Variants in SNRK observed in about 807,000 individuals in gnomAD.
SNRK encodes the protein SNF related kinase.
SNRK carries 3 observed loss-of-function variants against 48.2 expected under a neutral mutation model. That is an observed-to-expected ratio of 0.06 (90% CI 0.03 to 0.16). SNRK has a LOEUF of 0.16. Ranked by LOEUF, SNRK falls within the 10% of genes least tolerant of loss-of-function variation. The probability of loss-of-function intolerance (pLI) is 1.00; values close to 1 mark genes in which losing one functional copy is unlikely to be tolerated. For missense variants in SNRK, 627 were observed against 976.0 expected (o/e 0.64, Z 4.76); for synonymous variants, 376 against 366.1 (o/e 1.03, Z -0.31).
rs1324724076 is a variant in SNRK at position 43,350,582 on chromosome 3, T to G, written c.*2025T>G. 6.6e-6 allele frequency: 1 copy of G among 152,554 alleles called. No individual in the cohort carries two copies. The highest frequency in any genetic ancestry group is 1.5e-5 in the Non-Finnish European group (1 of 68,038). 9.5% of individuals were successfully genotyped at this position (152,554 alleles called of 1,614,324 possible). A position where few individuals can be genotyped will look rare whatever the true frequency, so the allele number is the denominator to read the frequency against. On this transcript the variant is annotated 3_prime_UTR_variant, in exon 7 of 7. Transcript: ENST00000296088. ...CATAGCTGTATTATAGCCTTATTAG[T>G]TGTGTGGTTGACCCTTGGGGTATAC...
In SNRK at chr3:43,347,129, A is replaced by G. The variant is rs935381416; in HGVS notation, c.1080-210A>G. 5 of 472,482 alleles carry G rather than the reference A, an allele frequency of 1.1e-5. No homozygotes were observed. Among genetic ancestry groups the G allele is most frequent in the East Asian group, 3.2e-5 (1 of 31,314 alleles). 29.3% of individuals were successfully genotyped at this position (472,482 alleles called of 1,614,324 possible). On this transcript the variant is annotated intron_variant, in intron 6 of 6. Coordinates refer to ENST00000296088, the MANE Select transcript of SNRK (RefSeq NM_017719.5). This position sits in a 1 kb window ranked among gnomAD's most constrained non-coding sequence, Gnocchi z 5.4. ...CTGTGATGAAGTTTTCACTTGGCCA[A>G]TAAGCCACAAACTGAACCATGTTTC...
chr3:43,328,270 T>C (rs2091110926), intron 3 of SNRK, among the ~76,000 whole-genome samples: 1 of 152,040 alleles, frequency 6.6e-6, no homozygotes, highest in South Asian at 2.1e-4. Flanking sequence ...GAGGCTGTGG[T>C]CTATACCTTA....
At chr3:43,297,595 C>T (rs1395466172) in intron 1 of SNRK, among the ~76,000 whole-genome samples, 1 of 151,866 alleles carries the variant, frequency 6.6e-6, no homozygotes, top group Non-Finnish European at 1.5e-5. Context: ...ATTCCTCCCC[C>T]CCTTTTTTAC....
At chr3:43,297,839 A>G (rs1281272689) in intron 1 of SNRK, among the ~76,000 whole-genome samples, 2 of 152,316 alleles carry the variant, frequency 1.3e-5, no homozygotes, top group East Asian at 3.9e-4. Context: ...ATGCCTAACT[A>G]GAGACATTAT....
intron 1 of SNRK, among the ~76,000 whole-genome samples, chr3:43,296,817 A>G (rs2090859418): frequency 1.3e-5 from 2 of 152,246 alleles, no homozygotes; most frequent in South Asian, 2.1e-4. Flanking sequence ...AGCTGGTTCT[A>G]CAACTGTTTT....
In SNRK at chr3:43,340,427, C is replaced by T. The variant is rs569406710; in HGVS notation, c.872C>T (p.Ser291Leu). The T allele has an allele frequency of 1.4e-5, 23 of 1,614,110 alleles. No homozygotes were observed. The highest frequency in any genetic ancestry group is 9.9e-5 in the South Asian group (9 of 91,086). Residue 291 changes from serine (S) to leucine (L), a missense_variant, in exon 5 of 7, where the codon TCG (serine) becomes TTG (leucine). Ser to Leu is a moderately radical substitution (Grantham distance 145). Around this residue, in one of 4 missense-constraint regions of SNRK, gnomAD observed 147 missense variants for 356.8 expected, o/e 0.41. Coordinates refer to ENST00000296088, the MANE Select transcript of SNRK (RefSeq NM_017719.5). ...NIPLVSYKNL[S>L]EEEHNSIIQR... ...CCCCTTGTGTCATACAAAAATCTCT[C>T]GGAAGAGGAGCACAACAGCATCATT...
chr3:43,329,543 C>T (rs114887388), intron 3 of SNRK, among the ~76,000 whole-genome samples: 2,604 of 152,198 alleles, frequency 0.017, 43 homozygotes, highest in Non-Finnish European at 0.025. Flanking sequence ...ACTTAGTTAC[C>T]CTGCTGTTCT....
intron 3 of SNRK, among the ~76,000 whole-genome samples, chr3:43,307,723 T>G (rs1002063486): frequency 1.3e-5 from 2 of 152,132 alleles, no homozygotes; most frequent in African/African-American, 4.8e-5. Context: ...CTTCTTGGGC[T>G]TCCCTATTCT....
intron 4 of SNRK, among the ~76,000 whole-genome samples, chr3:43,335,310 G>A (rs766547446): frequency 1.3e-5 from 2 of 152,088 alleles, no homozygotes; most frequent in African/African-American, 4.8e-5. Context: ...GTATTTTCTA[G>A]TTTGTGTTGA....
At chr3:43,344,573 T>C (rs564733212) in intron 6 of SNRK, among the ~76,000 whole-genome samples, 1 of 152,256 alleles carries the variant, frequency 6.6e-6, no homozygotes, top group African/African-American at 2.4e-5. Context: ...GAGGAAAACA[T>C]TCCCAGCTTG....
At chr3:43,314,754 C>T (rs749481692) in intron 3 of SNRK, among the ~76,000 whole-genome samples, 1 of 152,098 alleles carries the variant, frequency 6.6e-6, no homozygotes, top group Non-Finnish European at 1.5e-5. Context: ...TTCAGAAGGA[C>T]ATAAATGAAG....
intron 3 of SNRK, among the ~76,000 whole-genome samples, chr3:43,316,921 C>G (rs1287855018): frequency 2.0e-5 from 3 of 152,066 alleles, no homozygotes; most frequent in African/African-American, 7.2e-5. Flanking sequence ...ATTACCACAC[C>G]GCCTCATTCC....
At chr3:43,326,927 G>A (rs1478559263) in intron 3 of SNRK, among the ~76,000 whole-genome samples, 1 of 152,158 alleles carries the variant, frequency 6.6e-6, no homozygotes, top group Non-Finnish European at 1.5e-5. Context: ...ATAAAACCTT[G>A]CTTCTAACTA....
chr3:43,340,145 TATTC>T, intron 4 of SNRK, 138 bp from the exon 5 acceptor site: 1 of 684,618 alleles, frequency 1.5e-6, no homozygotes, highest in Non-Finnish European at 2.6e-6. Flanking sequence ...AAATTTTTAT[TATTC>T]CCATCTGCCC....
intron 4 of SNRK, chr3:43,333,358 C>CAAA (rs33994267): frequency 1.1e-4 from 7 of 62,306 alleles, no homozygotes; most frequent in African/African-American, 2.7e-4. Context: ...GACTCTGTCT[C>CAAA]AAAAAAAAAA....
chr3:43,301,731 G>GAAACTGTATATTGAGAGCAGTAGAAAA (rs2090899405), intron 2 of SNRK, among the ~76,000 whole-genome samples: 1 of 152,196 alleles, frequency 6.6e-6, no homozygotes, highest in East Asian at 1.9e-4. Flanking sequence ...CTGAAAATGT[G>GAAACTGTATATTGAGAGCAGTAGAAAA]AAACTGTATA....
chr3:43,340,919 A>G (rs2091230946), intron 5 of SNRK, among the ~76,000 whole-genome samples: 1 of 152,130 alleles, frequency 6.6e-6, no homozygotes, highest in Non-Finnish European at 1.5e-5. Context: ...CTGGCCACAC[A>G]TTTTTATAAG....
Position 43,311,026 on chromosome 3 carries a change from A to T in SNRK, c.589+7234A>T, listed in dbSNP as rs553294830. On this transcript the variant is annotated intron_variant, in intron 3 of 6. Transcript: ENST00000296088. ...TATGGTGTCTGAGTACTCTAGTGAT[A>T]TGGGAGAGGAGCAGGGTCATACAGC... is the stretch of plus-strand genomic sequence containing the variant. Among the ~76,000 whole-genome samples the T allele has an allele frequency of 2.8e-4, 43 of 152,176 alleles. No homozygotes were observed. In the South Asian group the frequency reaches 3.9e-3, roughly 14 times the overall value.
chr3:43,340,392 G>A lies in SNRK; in HGVS notation c.837G>A (p.Lys279=), dbSNP rs749419860. Residue 279 remains lysine (K), a synonymous_variant, in exon 5 of 7, where the codon AAG becomes AAA. Coordinates refer to ENST00000296088, the MANE Select transcript of SNRK (RefSeq NM_017719.5). ...GAGTGGACCCTTCACCAGCTACAAA[G>A]TATAACATTCCCCTTGTGTCATACA... The part of the protein sequence containing the change: ...LQGVDPSPAT[K]YNIPLVSYKN... 6.2e-7 allele frequency: 1 copy of A among 1,614,150 alleles called. No homozygotes were observed. The highest frequency in any genetic ancestry group is 1.1e-5 in the South Asian group (1 of 91,086).
Sources: allele counts gnomAD v4.1 joint callset (sites outside exome capture counted in the v4.1 genomes callset), GRCh38; gene constraint gnomAD v4.1.1; regional missense constraint gnomAD v4.1.1; non-coding constraint Gnocchi (gnomAD v3.1); transcripts MANE v1.5; gene names NCBI Gene and HGNC (gene_info 2026-07-23, HGNC 2026-07-21).